CEP250: variants seen among roughly 807,000 people sequenced by gnomAD.
The protein encoded by CEP250 is centrosomal protein 250.
A neutral mutation model predicts 315.7 loss-of-function variants in CEP250; 242 were observed. The observed-to-expected ratio is 0.77, with a 90% CI of 0.69 to 0.85. The LOEUF is 0.85. Ranked by LOEUF, CEP250 falls within the 40% of genes least tolerant of loss-of-function variation. The pLI is 0.00. For missense variants in CEP250, 2,515 were observed against 2,886.4 expected, an observed-to-expected ratio of 0.87 and a Z score of 2.95; for synonymous variants, 1,088 against 1,175.0, an observed-to-expected ratio of 0.93 and a Z score of 1.51.
At chr20:35,496,815 C>A in intron 25 of CEP250, 100 bp downstream of exon 25, 1 of 1,290,650 alleles carries the variant, frequency 7.7e-7, no homozygotes, top group Non-Finnish European at 1.0e-6. Flanking sequence ...GAGGACCCAT[C>A]TATTTTTCCT....
chr20:35,467,081 G>A lies in CEP250; in HGVS notation c.599+9G>A, dbSNP rs2062897927. On this transcript the variant is annotated intron_variant, in intron 8 of 34. Coordinates refer to ENST00000397527, the MANE Select transcript of CEP250 (RefSeq NM_007186.6). ...AAGTCAGCTACTGACAGGTCAGTGT[G>A]GGGAGAAGAAGGGAGGAGGTTTGCC... 1 of 1,596,640 alleles carries A rather than the reference G, an allele frequency of 6.3e-7. No individual in the cohort carries two copies. The highest frequency in any genetic ancestry group is 1.1e-5 in the South Asian group (1 of 90,788).
chr20:35,486,033 C>CTTTT (rs568800381), intron 20 of CEP250, among the ~76,000 whole-genome samples: 11 of 128,350 alleles, frequency 8.6e-5, no homozygotes, highest in African/African-American at 3.2e-4. Flanking sequence ...AGTGGATTTA[C>CTTTT]TTTTTTTTTT....
At position 35,515,252 on chromosome 20, in the gene CEP250, C is replaced by G. The variant is rs1435380078; in HGVS notation, c.*3626C>G. 2 of 152,416 alleles carry G rather than the reference C, an allele frequency of 1.3e-5. No homozygotes were observed. The highest frequency in any genetic ancestry group is 3.8e-4 in the East Asian group (2 of 5,196). The allele number at this position is 152,416 out of a possible 1,614,324, so 9.4% of individuals were successfully genotyped here. ...TTCCAGTACCAAGGAAAGGCTGGAGCCATTGCAACTGGAGGCCCAGCGGAG... is the reference window on the plus strand; with the variant it reads ...TTCCAGTACCAAGGAAAGGCTGGAGGCATTGCAACTGGAGGCCCAGCGGAG... On this transcript the variant is annotated 3_prime_UTR_variant, in exon 35 of 35. Coordinates refer to ENST00000397527, the MANE Select transcript of CEP250 (RefSeq NM_007186.6).
At position 35,503,127 on chromosome 20, in the gene CEP250, G is replaced by C; in HGVS notation, c.4758G>C (p.Gln1586His). 4 of 1,614,174 alleles carry C rather than the reference G, an allele frequency of 2.5e-6. No homozygotes were observed. The highest frequency in any genetic ancestry group is 2.5e-6 in the Non-Finnish European group (3 of 1,180,024). ...AGCTGGAGGGCCAGAGGGAAACCCAGAGAGTGGCTTTGACCCACCTTACGC... is the reference window on the plus strand; with the variant it reads ...AGCTGGAGGGCCAGAGGGAAACCCACAGAGTGGCTTTGACCCACCTTACGC... ...IKELEGQRETQRVALTHLTLD... is the reference protein window; with the variant it reads ...IKELEGQRETHRVALTHLTLD... Residue 1586 changes from glutamine (Q) to histidine (H), a missense_variant, in exon 30 of 35, where the codon CAG becomes CAC. By Grantham distance (24) the Gln-to-His change is conservative. Transcript: ENST00000397527. The surrounding 1 kb of genome is among the most constrained non-coding windows in gnomAD (Gnocchi z 4.2).
In CEP250 at chr20:35,497,843, C is replaced by T; in HGVS notation, c.3431C>T (p.Ala1144Val). ...TEQQLRASLW[A>V]QEAKAAQLQL... is the part of the protein sequence containing the mutation. ...CAGCAGCTGCGAGCCTCCTTGTGGG[C>T]CCAGGAAGCCAAGGCAGCCCAACTA... is the stretch of plus-strand genomic sequence containing the variant. The change falls in exon 26 of 35, where the codon GCC becomes GTC. Residue 1144 changes from alanine (A) to valine (V), a missense_variant. Physicochemically the swap from Ala to Val is moderately conservative, Grantham distance 64 (BLOSUM62 0). Coordinates refer to ENST00000397527, the MANE Select transcript of CEP250 (RefSeq NM_007186.6). 1 of 1,582,634 alleles carries T rather than the reference C, an allele frequency of 6.3e-7. No individual in the cohort carries two copies. The highest frequency in any genetic ancestry group is 8.6e-7 in the Non-Finnish European group (1 of 1,164,260).
At chr20:35,461,655 C>CCTTTCT (rs2062759413) in intron 3 of CEP250, among the ~76,000 whole-genome samples, 1 of 152,208 alleles carries the variant, frequency 6.6e-6, no homozygotes, top group African/African-American at 2.4e-5. Context: ...TGGCCTGGCA[C>CCTTTCT]AAGTTTTTTA....
At chr20:35,463,437 G>A in intron 4 of CEP250, 138 bp from the exon 5 acceptor site, 1 of 540,842 alleles carries the variant, frequency 1.8e-6, no homozygotes. Flanking sequence ...GAAACTATAA[G>A]ATGTTATGGC....
chr20:35,504,635 T>A lies in CEP250; in HGVS notation c.6266T>A (p.Ile2089Lys). The A allele has an allele frequency of 6.2e-7, 1 of 1,613,892 alleles. No individual in the cohort carries two copies. The highest frequency in any genetic ancestry group is 1.7e-4 in the Middle Eastern group (1 of 6,058). Residue 2089 changes from isoleucine to lysine, a missense_variant, in exon 30 of 35, where the codon ATA becomes AAA. Coordinates refer to ENST00000397527, the MANE Select transcript of CEP250 (RefSeq NM_007186.6). ...GGGCAAGAGAGAGAAGAGGAGGAGA[T>A]AAGGGGCCTTCATCAGAGTGTAAGG... is the stretch of plus-strand genomic sequence containing the variant. Reference protein sequence around the residue: ...NLGQEREEEEIRGLHQSVREL... With the variant: ...NLGQEREEEEKRGLHQSVREL...
At position 35,508,419 on chromosome 20, in the gene CEP250, ATCC is replaced by A. The variant is rs570539076; in HGVS notation, c.6906+234_6906+236del. On this transcript the variant is annotated intron_variant, in intron 32 of 34. Transcript: ENST00000397527. ...AACCTCCACCTCCCGGGTTCAAGCA[ATCC>A]TCCTGCCCCAGCCTCCTGAATAGCT... Among the ~76,000 whole-genome samples, 1,156 of 152,050 alleles carry A rather than the reference ATCC, an allele frequency of 7.6e-3. 25 individuals carry two copies. The highest frequency in any genetic ancestry group is 0.027 in the African/African-American group (1,119 of 41,472).
At chr20:35,471,385 C>T (rs2063020951) in intron 10 of CEP250, among the ~76,000 whole-genome samples, 1 of 152,090 alleles carries the variant, frequency 6.6e-6, no homozygotes, top group Admixed American at 6.6e-5. Flanking sequence ...CTGGGTGTGG[C>T]CCATTTGTTA....
rs1268114329 is a variant in CEP250 at position 35,498,657 on chromosome 20, G to A, written c.3718G>A (p.Ala1240Thr). ...GPLLTALSAE[A>T]VASALHKLHQ... ...CCTGCTGACTGCTCTCTCCGCTGAG[G>A]CAGTAGCATCTGCCCTCCACAAGCT... The change falls in exon 27 of 35, where the codon GCA (alanine) becomes ACA (threonine). Residue 1240 changes from alanine (A) to threonine (T), a missense_variant. Coordinates refer to ENST00000397527, the MANE Select transcript of CEP250 (RefSeq NM_007186.6). 1.2e-6 allele frequency: 2 copies of A among 1,607,960 alleles called. No individual in the cohort carries two copies. The highest frequency in any genetic ancestry group is 8.5e-7 in the Non-Finnish European group (1 of 1,178,338).
At chr20:35,491,921 T>C (rs971031251) in intron 22 of CEP250, among the ~76,000 whole-genome samples, 1 of 99,420 alleles carries the variant, frequency 1.0e-5, no homozygotes, top group Non-Finnish European at 2.2e-5. Context: ...AAAAAAAAGG[T>C]GTGGCACAGC....
At chr20:35,488,517 G>A (rs922143328) in intron 20 of CEP250, among the ~76,000 whole-genome samples, 3 of 151,928 alleles carry the variant, frequency 2.0e-5, no homozygotes, top group African/African-American at 4.8e-5. Flanking sequence ...GCAGTGGCGT[G>A]ATCAGGGCTT....
chr20:35,485,701 C>G (rs909137240), intron 20 of CEP250, among the ~76,000 whole-genome samples: 2 of 121,346 alleles, frequency 1.6e-5, no homozygotes, highest in African/African-American at 6.4e-5. Context: ...CTCTGTCACT[C>G]AGGCTACAGT....
intron 10 of CEP250, 118 bp from the exon 11 acceptor site, chr20:35,471,932 A>G (rs2146774237): frequency 1.5e-6 from 1 of 677,402 alleles, no homozygotes; most frequent in East Asian, 2.6e-5. Context: ...ACATATGGTC[A>G]GGGAAAAAGT....
rs528976134 is a variant in CEP250, at chr20:35,509,050, C to T, written c.7008+6C>T. The stretch of plus-strand genomic sequence containing the variant: ...CTTCTTCACCCACACAGCAGGTTTA[C>T]TCATTTTCCTCAGCTGCAGCCTTAG... On this transcript the variant is annotated splice_donor_region_variant and intron_variant, in intron 33 of 34. Transcript: ENST00000397527. 7 of 1,551,910 alleles carry T rather than the reference C, an allele frequency of 4.5e-6. No individual in the cohort carries two copies. The South Asian group carries it at 8.3e-5, about 18-fold the overall frequency.
rs2062865665 is a variant in CEP250 at position 35,465,845 on chromosome 20, C to T, written c.326+20C>T. ...ACAGAGGTGATGGACCCCAAACTTT[C>T]TGACCTGGGTGATTGGCCAGTTGGT... On this transcript the variant is annotated intron_variant, in intron 6 of 34. Transcript: ENST00000397527. 1 of 1,593,676 alleles carries T rather than the reference C, an allele frequency of 6.3e-7. No homozygotes were observed. The highest frequency in any genetic ancestry group is 1.3e-5 in the African/African-American group (1 of 74,430).
At position 35,472,107 on chromosome 20, in the gene CEP250, G is replaced by GA. The variant is rs1401064893; in HGVS notation, c.1007dup (p.Glu337GlyfsTer30). The GA allele has an allele frequency of 6.2e-7, 1 of 1,613,510 alleles. No homozygotes were observed. Among genetic ancestry groups the GA allele is most frequent in the Non-Finnish European group, 8.5e-7 (1 of 1,179,532 alleles). On this transcript the variant is annotated frameshift_variant, in exon 11 of 35. Transcript: ENST00000397527. LOFTEE classifies it high-confidence loss of function. ...AGCATCTCTTAGTAGGAATGCGCAA[G>GA]AGGAGAAGTTGTCTTTACAGCAGGT...
intron 20 of CEP250, among the ~76,000 whole-genome samples, chr20:35,489,462 C>T (rs1041670742): frequency 3.3e-5 from 5 of 152,250 alleles, no homozygotes; most frequent in African/African-American, 1.2e-4. Flanking sequence ...CATGACTTAT[C>T]TCCATCCTCA....
Sources: gnomAD v4.1 joint callset for allele counts (sites outside exome capture counted in the v4.1 genomes callset) on GRCh38, gnomAD v4.1.1 for gene constraint, Gnocchi (gnomAD v3.1) non-coding constraint, MANE v1.5 for transcripts, NCBI Gene and HGNC (gene_info 2026-07-23, HGNC 2026-07-21) for gene names.